The following ISL2 variants were observed in gnomAD, a reference collection of about 807,000 sequenced individuals.
ISL2 encodes the protein ISL LIM homeobox 2.
Under a neutral mutation model 34.6 loss-of-function variants are expected in ISL2, and 17 were observed. The observed-to-expected ratio is 0.49, with a 90% CI of 0.34 to 0.74. ISL2 has a LOEUF of 0.74. Ranked by LOEUF, ISL2 falls within the 30% of genes least tolerant of loss-of-function variation. The pLI is 0.01. For synonymous variants in ISL2, 232 were observed against 225.5 expected (o/e 1.03, Z -0.26); for missense variants, 469 against 515.2 (o/e 0.91, Z 0.87).
In ISL2 at chr15:76,340,358, G is replaced by A. The variant is rs1372715229; in HGVS notation, c.594G>A (p.Leu198=). The stretch of plus-strand genomic sequence containing the variant: ...AGACGACCCGCGTGCGGACTGTGCT[G>A]AACGAGAAGCAGCTGCACACTCTGC... ...TEKTTRVRTV[L]NEKQLHTLRT... The change falls in exon 4 of 6, where the codon CTG becomes CTA. Residue 198 remains leucine (L), a synonymous_variant. Transcript: ENST00000290759. 3 of 1,613,188 alleles carry A rather than the reference G, an allele frequency of 1.9e-6. No individual in the cohort carries two copies. Among genetic ancestry groups the A allele is most frequent in the Admixed American group, 3.3e-5 (2 of 60,004 alleles).
In ISL2 at chr15:76,337,773, G is replaced by T. The variant is rs759144157; in HGVS notation, c.59-5G>T. On this transcript the variant is annotated splice_polypyrimidine_tract_variant and splice_region_variant and intron_variant, in intron 1 of 5. Transcript: ENST00000290759. ...CTGACGCGGCCCCGCGCCCTTCCCC[G>T]GCAGAGAAGCCCGGGACGGCCATGT... 1 of 1,580,414 alleles carries T rather than the reference G, an allele frequency of 6.3e-7. No individual in the cohort carries two copies. The highest frequency in any genetic ancestry group is 2.3e-5 in the East Asian group (1 of 42,820).
At position 76,342,068 on chromosome 15, in the gene ISL2, T is replaced by C. The variant is rs2040198553; in HGVS notation, c.*233T>C. On this transcript the variant is annotated 3_prime_UTR_variant, in exon 6 of 6. Transcript: ENST00000290759. ...GACTCTTAGTTTTTCAAAACCAGAA[T>C]CTGGGACTTACCAGGGTTAGCTCTG... is the stretch of plus-strand genomic sequence containing the variant. 2.1e-6 allele frequency: 1 copy of C among 471,586 alleles called. No individual in the cohort carries two copies. Among genetic ancestry groups the C allele is most frequent in the Non-Finnish European group, 3.8e-6 (1 of 262,320 alleles). The allele number at this position is 471,586 out of a possible 1,614,324, so 29.2% of individuals were successfully genotyped here.
intron 1 of ISL2, 83 bp from the exon 2 acceptor site, chr15:76,337,695 G>T (rs2040161315): frequency 8.2e-7 from 1 of 1,224,416 alleles, no homozygotes; most frequent in African/African-American, 1.5e-5. Flanking sequence ...AGAGCGAGCG[G>T]GTTGGGTTGG....
At position 76,338,404 on chromosome 15, in the gene ISL2, A is replaced by T; in HGVS notation, c.401A>T (p.Glu134Val). 1 of 1,529,432 alleles carries T rather than the reference A, an allele frequency of 6.5e-7. No homozygotes were observed. Among genetic ancestry groups the T allele is most frequent in the Non-Finnish European group, 8.7e-7 (1 of 1,147,994 alleles). 94.7% of individuals were successfully genotyped at this position (1,529,432 alleles called of 1,614,324 possible). Residue 134 changes from glutamate (E) to valine (V), a missense_variant, in exon 3 of 6, where the codon GAG (glutamate) becomes GTG (valine). This residue lies in a region of ISL2 where 297 missense variants were observed against 337.8 expected (regional missense o/e 0.88). Coordinates refer to ENST00000290759, the MANE Select transcript of ISL2 (RefSeq NM_145805.3). Reference sequence around the variant, plus strand: ...CCTGGGGACGAGTTCTCGCTGCGGGAGCACGAGCTGCTCTGCCGCGCCGAC... The same window carrying T: ...CCTGGGGACGAGTTCTCGCTGCGGGTGCACGAGCTGCTCTGCCGCGCCGAC... ...LLPGDEFSLREHELLCRADHG... is the reference protein window; with the variant it reads ...LLPGDEFSLRVHELLCRADHG...
At chr15:76,341,641 G>C in intron 5 of ISL2, 78 bp from the exon 6 acceptor site, 1 of 1,132,528 alleles carries the variant, frequency 8.8e-7, no homozygotes, top group Non-Finnish European at 1.3e-6. Flanking sequence ...GACACTTTCC[G>C]ACTCGGAGCA....
chr15:76,337,686 G>A (rs895927897), intron 1 of ISL2, 92 bp from the exon 2 acceptor site: 4 of 1,130,506 alleles, frequency 3.5e-6, no homozygotes, highest in Admixed American at 5.5e-5. Flanking sequence ...AAGAGCAAGA[G>A]AGCGAGCGGG....
chr15:76,340,667 G>C, intron 4 of ISL2, 108 bp downstream of exon 4: 1 of 1,047,290 alleles, frequency 9.5e-7, no homozygotes, highest in East Asian at 2.5e-5. Flanking sequence ...GGGAGAACTG[G>C]GCGCTCCAGA....
At chr15:76,338,009 G>A (rs773744045) in intron 2 of ISL2, 42 bp downstream of exon 2, 1 of 1,496,728 alleles carries the variant, frequency 6.7e-7, no homozygotes, top group Admixed American at 2.1e-5. Context: ...CGCGCGCAGG[G>A]GCCGGGGCCG....
intron 4 of ISL2, 87 bp from the exon 5 acceptor site, chr15:76,341,047 C>G (rs2040189076): frequency 7.8e-7 from 1 of 1,277,294 alleles, no homozygotes; most frequent in African/African-American, 1.5e-5. Context: ...GACCCTAAAT[C>G]ACTCAAGGCC....
At chr15:76,337,709 T>C in intron 1 of ISL2, 69 bp from the exon 2 acceptor site, 1 of 1,404,496 alleles carries the variant, frequency 7.1e-7, no homozygotes, top group Non-Finnish European at 9.6e-7. Flanking sequence ...GGGTTGGGGC[T>C]GGAGTAGCCG....
intron 1 of ISL2, 139 bp downstream of exon 1, chr15:76,337,080 C>A: frequency 2.7e-6 from 2 of 744,086 alleles, no homozygotes; most frequent in South Asian, 3.2e-5. Context: ...AAAACGAATG[C>A]ATGTCTCCTG....
intron 4 of ISL2, 54 bp downstream of exon 4, chr15:76,340,613 G>A: frequency 1.3e-6 from 2 of 1,537,756 alleles, no homozygotes; most frequent in Non-Finnish European, 1.8e-6. Context: ...CGCTTCCGCC[G>A]CGGTATCTGC....
At chr15:76,340,151 A>G in intron 3 of ISL2, 125 bp from the exon 4 acceptor site, 1 of 1,426,866 alleles carries the variant, frequency 7.0e-7, no homozygotes, top group South Asian at 1.5e-5. Context: ...GAACAATTAA[A>G]CGAAACAAAC....
intron 3 of ISL2, chr15:76,339,844 G>A (rs377715056): frequency 9.0e-6 from 9 of 1,005,370 alleles, no homozygotes; most frequent in South Asian, 8.6e-5. Context: ...CCTGGGCAGC[G>A]CCTCGCCCTG....
chr15:76,339,658 G>A lies in ISL2; in HGVS notation c.512-618G>A, dbSNP rs558776992. 6 of 985,706 alleles carry A rather than the reference G, an allele frequency of 6.1e-6. No homozygotes were observed. In the South Asian group the frequency reaches 2.8e-4, roughly 46 times the overall value. The allele number at this position is 985,706 out of a possible 1,614,324, so 61.1% of individuals were successfully genotyped here. ...TGGGGAACCTGGAGCCTTGAGGAAGGAGACAGGGGCCGAAGCCCAAGGGCG... is the reference window on the plus strand; with the variant it reads ...TGGGGAACCTGGAGCCTTGAGGAAGAAGACAGGGGCCGAAGCCCAAGGGCG... On this transcript the variant is annotated intron_variant, in intron 3 of 5. Transcript: ENST00000290759.
In ISL2 at chr15:76,341,208, C is replaced by T. The variant is rs1326630752; in HGVS notation, c.870C>T (p.Ser290=). The change falls in exon 5 of 6, where the codon AGC becomes AGT. Residue 290 remains serine, a synonymous_variant. Coordinates refer to ENST00000290759, the MANE Select transcript of ISL2 (RefSeq NM_145805.3). ...GCCATGAGAACGCCGTGCAGGGCAG[C>T]GCAGTGGAGGTGCAGACGTACCAGC... ...PIRHENAVQG[S]AVEVQTYQPP... The T allele has an allele frequency of 1.9e-6, 3 of 1,612,418 alleles. No homozygotes were observed. The highest frequency in any genetic ancestry group is 1.1e-5 in the South Asian group (1 of 90,930).
chr15:76,338,313 A>T lies in ISL2; in HGVS notation c.310A>T (p.Arg104Trp). ...CTTCAGCAGCAGCGACCTGGTGATG[A>T]GGGCGCGGGACAGCGTGTACCACAT... ...VGFSSSDLVM[R>W]ARDSVYHIEC... Residue 104 changes from arginine (R) to tryptophan (W), a missense_variant, in exon 3 of 6, where the codon AGG (arginine) becomes TGG (tryptophan). Around this residue, in one of 3 missense-constraint regions of ISL2, gnomAD observed 297 missense variants for 337.8 expected, o/e 0.88. Coordinates refer to ENST00000290759, the MANE Select transcript of ISL2 (RefSeq NM_145805.3). The T allele has an allele frequency of 6.3e-7, 1 of 1,584,238 alleles. No homozygotes were observed. The highest frequency in any genetic ancestry group is 8.5e-7 in the Non-Finnish European group (1 of 1,170,494).
At chr15:76,340,950 G>A (rs886461694) in intron 4 of ISL2, among the ~76,000 whole-genome samples, 184 bp from the exon 5 acceptor site, 2 of 152,270 alleles carry the variant, frequency 1.3e-5, no homozygotes, top group Non-Finnish European at 2.9e-5. Flanking sequence ...ACCTATCGTG[G>A]CAAGTTTGCG....
chr15:76,342,040 G>A lies in ISL2; in HGVS notation c.*205G>A, dbSNP rs754334173. The A allele has an allele frequency of 3.8e-6, 2 of 527,204 alleles. No individual in the cohort carries two copies. Among genetic ancestry groups the A allele is most frequent in the East Asian group, 3.1e-5 (1 of 32,394 alleles). 32.7% of individuals were successfully genotyped at this position (527,204 alleles called of 1,614,324 possible). A position where few individuals can be genotyped will look rare whatever the true frequency, so the allele number is the denominator to read the frequency against. On this transcript the variant is annotated 3_prime_UTR_variant, in exon 6 of 6. Transcript: ENST00000290759. ...TCACCAGACTGCAGACCCCTGCTCC[G>A]AGGACTCTTAGTTTTTCAAAACCAG...
Sources: gnomAD v4.1 joint callset for allele counts (sites outside exome capture counted in the v4.1 genomes callset) on GRCh38, gnomAD v4.1.1 for gene constraint, gnomAD v4.1.1 regional missense constraint, MANE v1.5 for transcripts, NCBI Gene and HGNC (gene_info 2026-07-23, HGNC 2026-07-21) for gene names.